The following RALGAPA1 variants were observed in gnomAD, a reference collection of about 807,000 sequenced individuals.
RALGAPA1 encodes the protein ral GTPase-activating protein subunit alpha-1.
RALGAPA1 carries 52 observed loss-of-function variants against 269.6 expected under a neutral mutation model. The ratio of observed to expected loss-of-function variants is 0.19; its 90% CI spans 0.15 to 0.24. RALGAPA1 has a LOEUF of 0.24. RALGAPA1 is among the 10% of genes least tolerant of loss of function. RALGAPA1 has a pLI of 1.00. For synonymous variants in RALGAPA1, 817 were observed against 1,008.3 expected (o/e 0.81, Z 3.60); for missense variants, 1,917 against 3,013.9 (o/e 0.64, Z 8.52).
chr14:35,737,902 A>T (rs373427137), intron 12 of RALGAPA1, among the ~76,000 whole-genome samples: 30 of 151,636 alleles, frequency 2.0e-4, no homozygotes, highest in Middle Eastern at 3.4e-3. Context: ...AACCTGGCCA[A>T]CATGGTGAAA....
intron 37 of RALGAPA1, among the ~76,000 whole-genome samples, chr14:35,579,455 C>G (rs1462031591): frequency 1.3e-5 from 2 of 151,936 alleles, no homozygotes; most frequent in East Asian, 3.9e-4. Context: ...ATGGTGAAAC[C>G]TTGTCTCTAC....
intron 1 of RALGAPA1, among the ~76,000 whole-genome samples, chr14:35,806,255 A>G (rs1379219810): frequency 6.6e-6 from 1 of 152,224 alleles, no homozygotes; most frequent in Non-Finnish European, 1.5e-5. Context: ...GAACAAAACT[A>G]ACACTAAGTC....
chr14:35,702,715 T>TA lies in RALGAPA1; in HGVS notation c.2267-2414dup, dbSNP rs1555409652. Among the ~76,000 whole-genome samples the TA allele has an allele frequency of 8.8e-3, 1,001 of 114,088 alleles. 6 individuals are homozygous for TA. The highest frequency in any genetic ancestry group is 0.017 in the African/African-American group (565 of 33,010). The allele number at this position is 114,088 out of a possible 152,430, so 74.8% of individuals were successfully genotyped here. A position where few individuals can be genotyped will look rare whatever the true frequency, so the allele number is the denominator to read the frequency against. On this transcript the variant is annotated intron_variant, in intron 16 of 41. Coordinates refer to ENST00000680220, the MANE Select transcript of RALGAPA1 (RefSeq NM_001346249.2). ...ATCTATAGTTGTAATCACCTTTAAT[T>TA]AAAAAAAAAAAATATATATATATAT...
intron 41 of RALGAPA1, among the ~76,000 whole-genome samples, chr14:35,539,994 C>T (rs1274194616): frequency 6.6e-6 from 1 of 152,128 alleles, no homozygotes; most frequent in Non-Finnish European, 1.5e-5. Flanking sequence ...AAAGCACCAT[C>T]AGCATGCAGG....
chr14:35,684,675 G>A (rs536757281), intron 20 of RALGAPA1, among the ~76,000 whole-genome samples: 14 of 152,206 alleles, frequency 9.2e-5, no homozygotes, highest in African/African-American at 3.4e-4. Context: ...AATAAGTGGG[G>A]CCAAGAATGA....
At chr14:35,540,811 G>A (rs915502091) in intron 41 of RALGAPA1, among the ~76,000 whole-genome samples, 17 of 152,092 alleles carry the variant, frequency 1.1e-4, no homozygotes, top group Non-Finnish European at 2.4e-4. Context: ...ACACATACAT[G>A]TCCTTACTTT....
chr14:35,598,791 C>T (rs184951683), intron 36 of RALGAPA1, among the ~76,000 whole-genome samples: 42 of 152,282 alleles, frequency 2.8e-4, no homozygotes, highest in Non-Finnish European at 4.4e-4. Context: ...ATCCACTCTG[C>T]TAATCTCTGT....
intron 35 of RALGAPA1, among the ~76,000 whole-genome samples, chr14:35,617,637 T>TGGGGGGGGGGG (rs1221537442): frequency 2.1e-4 from 1 of 4,874 alleles, no homozygotes; most frequent in African/African-American, 3.1e-4. Context: ...GTGTGTGGGG[T>TGGGGGGGGGGG]GGGGGGGGGG....
intron 22 of RALGAPA1, among the ~76,000 whole-genome samples, chr14:35,674,966 G>C (rs1043875507): frequency 6.6e-6 from 1 of 152,036 alleles, no homozygotes; most frequent in Non-Finnish European, 1.5e-5. Flanking sequence ...TGCAGATAGA[G>C]AAATTTCTAT....
At chr14:35,705,396 C>T (rs901912668) in intron 16 of RALGAPA1, among the ~76,000 whole-genome samples, 2 of 151,998 alleles carry the variant, frequency 1.3e-5, no homozygotes, top group Admixed American at 1.3e-4. Flanking sequence ...CAAAAGTTTG[C>T]CTTTTCCACA....
chr14:35,711,193 C>A (rs1488868280), intron 16 of RALGAPA1, among the ~76,000 whole-genome samples: 1 of 152,124 alleles, frequency 6.6e-6, no homozygotes, highest in Non-Finnish European at 1.5e-5. Context: ...CAGTCTTTGT[C>A]TTTTAATTGG....
intron 4 of RALGAPA1, among the ~76,000 whole-genome samples, chr14:35,767,715 T>G (rs959186742): frequency 2.6e-5 from 4 of 151,874 alleles, no homozygotes; most frequent in Non-Finnish European, 5.9e-5. Context: ...AACAAAAACC[T>G]AGAAACAGAA....
chr14:35,732,631 C>A (rs927105617), intron 12 of RALGAPA1, among the ~76,000 whole-genome samples: 1 of 152,192 alleles, frequency 6.6e-6, no homozygotes, highest in African/African-American at 2.4e-5. Flanking sequence ...AACTTCAAAG[C>A]AACAGCAGTT....
chr14:35,614,463 A>G (rs1049396160), intron 35 of RALGAPA1, among the ~76,000 whole-genome samples: 2 of 152,196 alleles, frequency 1.3e-5, no homozygotes, highest in Non-Finnish European at 2.9e-5. Context: ...AGCTGCCACA[A>G]AAACCCACAT....
chr14:35,560,097 C>T (rs571035927), intron 39 of RALGAPA1, among the ~76,000 whole-genome samples: 7 of 152,224 alleles, frequency 4.6e-5, no homozygotes, highest in South Asian at 2.1e-4. Flanking sequence ...GGAAAGGCTT[C>T]GCTAGAAAAT....
chr14:35,796,513 C>A (rs913186543), intron 1 of RALGAPA1, among the ~76,000 whole-genome samples: 11 of 152,098 alleles, frequency 7.2e-5, no homozygotes, highest in African/African-American at 2.4e-4. Flanking sequence ...AAACTATAAA[C>A]CCACAAATCC....
chr14:35,679,175 G>A (rs566475405), intron 21 of RALGAPA1, among the ~76,000 whole-genome samples: 4 of 152,258 alleles, frequency 2.6e-5, no homozygotes, highest in South Asian at 2.1e-4. Flanking sequence ...ATATAGTGCC[G>A]CTACTACCAA....
rs1202636140 is a variant in RALGAPA1 at position 35,795,639 on chromosome 14, CTG to C, written c.106+13089_106+13090del. 3.9e-5 allele frequency among the ~76,000 whole-genome samples: 6 copies of C among 152,126 alleles called. No individual in the cohort carries two copies. In the East Asian group the frequency reaches 1.2e-3, roughly 29 times the overall value. On this transcript the variant is annotated intron_variant, in intron 1 of 41. Coordinates refer to ENST00000680220, the MANE Select transcript of RALGAPA1 (RefSeq NM_001346249.2). ...AAAAGCAAGACCCAAAATAATAAAA[CTG>C]TTTTCAAATAACTTGATTGTATCCC...
At chr14:35,752,983 AAGAT>A (rs2072862294) in intron 7 of RALGAPA1, among the ~76,000 whole-genome samples, 1 of 152,208 alleles carries the variant, frequency 6.6e-6, no homozygotes, top group African/African-American at 2.4e-5. Context: ...AATTAACATT[AAGAT>A]AGATAGATAA....
Sources: gnomAD v4.1 joint callset for allele counts (sites outside exome capture counted in the v4.1 genomes callset) on GRCh38, gnomAD v4.1.1 for gene constraint, MANE v1.5 for transcripts, NCBI Gene and HGNC (gene_info 2026-07-23, HGNC 2026-07-21) for gene names.